The following PIK3CA variants were observed in gnomAD, a reference collection of about 807,000 sequenced individuals.
PIK3CA encodes the protein phosphatidylinositol 4,5-bisphosphate 3-kinase catalytic subunit alpha isoform.
Under a neutral mutation model 138.2 loss-of-function variants are expected in PIK3CA, and 27 were observed. The observed-to-expected ratio is 0.20, with a 90% CI of 0.14 to 0.27. The LOEUF is 0.27. Ranked by LOEUF, PIK3CA falls within the 10% of genes least tolerant of loss-of-function variation. PIK3CA has a pLI of 1.00. For missense variants in PIK3CA, 544 were observed against 1,277.4 expected, an observed-to-expected ratio of 0.43 and a Z score of 8.75; for synonymous variants, 358 against 413.2, an observed-to-expected ratio of 0.87 and a Z score of 1.62.
chr3:179,159,457 C>A (rs945902085), intron 1 of PIK3CA, among the ~76,000 whole-genome samples: 14 of 152,164 alleles, frequency 9.2e-5, no homozygotes, highest in Non-Finnish European at 1.8e-4. Context: ...CCCATAAACC[C>A]AAACTTTAAT....
chr3:179,191,341 G>A (rs1282851417), intron 1 of PIK3CA, among the ~76,000 whole-genome samples: 1 of 152,204 alleles, frequency 6.6e-6, no homozygotes, highest in East Asian at 1.9e-4. Flanking sequence ...ATCCAAAAAT[G>A]AGAGTGGAAA....
At chr3:179,196,940 A>G (rs755243619) in intron 1 of PIK3CA, among the ~76,000 whole-genome samples, 5 of 152,122 alleles carry the variant, frequency 3.3e-5, no homozygotes, top group Admixed American at 1.3e-4. Flanking sequence ...AAGCTTGTTG[A>G]TGGGTTAGAT....
At chr3:179,191,619 T>C (rs1724138054) in intron 1 of PIK3CA, among the ~76,000 whole-genome samples, 1 of 151,836 alleles carries the variant, frequency 6.6e-6, no homozygotes, top group Admixed American at 6.6e-5. Flanking sequence ...AAAACATAAG[T>C]ATTTGGTGTT....
At position 179,234,967 on chromosome 3, in the gene PIK3CA, TAA is replaced by T. The variant is rs920604906; in HGVS notation, c.*605_*606del. ...TTCACCAGAGACTTTTTCTTTTTAA[TAA>T]ATCAAACCTTTTGATGATTTGAGGT... is the stretch of plus-strand genomic sequence containing the variant. On this transcript the variant is annotated 3_prime_UTR_variant, in exon 21 of 21. Coordinates refer to ENST00000263967, the MANE Select transcript of PIK3CA (RefSeq NM_006218.4). This position sits in a 1 kb window ranked among gnomAD's most constrained non-coding sequence, Gnocchi z 5.1. The T allele has an allele frequency of 4.5e-6, 1 of 221,010 alleles. No homozygotes were observed. The highest frequency in any genetic ancestry group is 2.2e-5 in the African/African-American group (1 of 44,484). The allele number at this position is 221,010 out of a possible 1,614,324, so 13.7% of individuals were successfully genotyped here.
At chr3:179,151,308 G>T (rs1447110240) in intron 1 of PIK3CA, among the ~76,000 whole-genome samples, 1 of 152,098 alleles carries the variant, frequency 6.6e-6, no homozygotes, top group Non-Finnish European at 1.5e-5. Flanking sequence ...AACATTTTCC[G>T]ACTCCTTTCA....
In PIK3CA at chr3:179,219,854, T is replaced by C. The variant is rs1466478893; in HGVS notation, c.1912-95T>C. The stretch of plus-strand genomic sequence containing the variant: ...CTAGTTTTATGCTTAAAAAAAAAAA[T>C]TATTACCAGTAATATCCACTTTCTT... On this transcript the variant is annotated intron_variant, in intron 12 of 20. Transcript: ENST00000263967. This position sits in a 1 kb window ranked among gnomAD's most constrained non-coding sequence, Gnocchi z 4.2. 8.7e-6 allele frequency: 13 copies of C among 1,499,186 alleles called. No homozygotes were observed. Among genetic ancestry groups the C allele is most frequent in the Non-Finnish European group, 1.1e-5 (12 of 1,104,448 alleles). The allele number at this position is 1,499,186 out of a possible 1,614,324, so 92.9% of individuals were successfully genotyped here.
At chr3:179,214,476 AC>A (rs1248175899) in intron 9 of PIK3CA, among the ~76,000 whole-genome samples, 1 of 152,180 alleles carries the variant, frequency 6.6e-6, no homozygotes, top group Non-Finnish European at 1.5e-5. Flanking sequence ...GAATAAGTTC[AC>A]CATCTTAATT....
intron 1 of PIK3CA, among the ~76,000 whole-genome samples, chr3:179,148,973 C>G (rs942473884): frequency 3.9e-5 from 6 of 152,128 alleles, no homozygotes; most frequent in African/African-American, 1.4e-4. Flanking sequence ...ACCCAGCCCG[C>G]GGGTGGAGGG....
Position 179,210,332 on chromosome 3 carries a change from A to G in PIK3CA, c.1398A>G (p.Pro466=). Residue 466 remains proline (P), a synonymous_variant, in exon 8 of 21, where the codon CCA becomes CCG. Coordinates refer to ENST00000263967, the MANE Select transcript of PIK3CA (RefSeq NM_006218.4). ...CTATTGGTGTTACTGGATCAAATCC[A>G]AATAAAGTAAGGTTTTTATTGTCAT... ...LNPIGVTGSN[P]NKETPCLELE... is the part of the protein sequence containing the mutation. 3 of 1,586,256 alleles carry G rather than the reference A, an allele frequency of 1.9e-6. No homozygotes were observed. The highest frequency in any genetic ancestry group is 2.6e-6 in the Non-Finnish European group (3 of 1,172,732).
At chr3:179,216,362 C>A (rs1576941561) in intron 9 of PIK3CA, among the ~76,000 whole-genome samples, 2 of 152,008 alleles carry the variant, frequency 1.3e-5, no homozygotes, top group East Asian at 1.9e-4. Flanking sequence ...TTACAGTATT[C>A]TTTTCATCTT....
intron 1 of PIK3CA, among the ~76,000 whole-genome samples, chr3:179,150,840 A>T (rs1382736557): frequency 6.6e-6 from 1 of 152,242 alleles, no homozygotes; most frequent in Non-Finnish European, 1.5e-5. Context: ...GCCGCTTCTT[A>T]TAAGTACCCT....
At chr3:179,185,150 C>G (rs181926492) in intron 1 of PIK3CA, among the ~76,000 whole-genome samples, 73 of 152,282 alleles carry the variant, frequency 4.8e-4, no homozygotes, top group Non-Finnish European at 1.0e-3. Flanking sequence ...ACAGAAAGGC[C>G]TATTAAGTCA....
chr3:179,192,481 A>C (rs1724159021), intron 1 of PIK3CA, among the ~76,000 whole-genome samples: 1 of 152,236 alleles, frequency 6.6e-6, no homozygotes, highest in Non-Finnish European at 1.5e-5. Flanking sequence ...GGCTTAAAGA[A>C]CTTAGGTTGA....
At chr3:179,150,920 T>A (rs1723000138) in intron 1 of PIK3CA, among the ~76,000 whole-genome samples, 1 of 152,234 alleles carries the variant, frequency 6.6e-6, no homozygotes. Flanking sequence ...GATCTGTTTA[T>A]TTGAAGAGAG....
intron 17 of PIK3CA, 108 bp from the exon 18 acceptor site, chr3:179,229,164 G>A: frequency 1.3e-6 from 1 of 785,062 alleles, no homozygotes; most frequent in South Asian, 1.9e-5. Context: ...GGCAGTAAAG[G>A]TCATGCATGA....
chr3:179,149,601 G>A (rs899631997), intron 1 of PIK3CA: 1 of 152,216 alleles, frequency 6.6e-6, no homozygotes, highest in Admixed American at 6.5e-5. Context: ...ATTTCATCTT[G>A]GTGAAGCTTC....
In PIK3CA at chr3:179,203,559, A is replaced by G. The variant is rs1341976696; in HGVS notation, c.829A>G (p.Ile277Val). 2.5e-6 allele frequency: 4 copies of G among 1,613,742 alleles called. No individual in the cohort carries two copies. Among genetic ancestry groups the G allele is most frequent in the South Asian group, 1.1e-5 (1 of 91,070 alleles). ...TCTCTTACAGTATATAAGAAGCTGTATAATGCTTGGGAGGATGCCCAATTT... is the reference window on the plus strand; with the variant it reads ...TCTCTTACAGTATATAAGAAGCTGTGTAATGCTTGGGAGGATGCCCAATTT... Reference protein sequence around the residue: ...LSQYKYIRSCIMLGRMPNLML... With the variant: ...LSQYKYIRSCVMLGRMPNLML... The change falls in exon 5 of 21, where the codon ATA (isoleucine) becomes GTA (valine). Residue 277 changes from isoleucine (I) to valine (V), a missense_variant. Coordinates refer to ENST00000263967, the MANE Select transcript of PIK3CA (RefSeq NM_006218.4).
intron 1 of PIK3CA, among the ~76,000 whole-genome samples, chr3:179,157,556 A>G (rs1043015377): frequency 6.6e-6 from 1 of 152,248 alleles, no homozygotes; most frequent in South Asian, 2.1e-4. Context: ...GCACAGTTAA[A>G]TGTATCATGC....
intron 2 of PIK3CA, 64 bp from the exon 3 acceptor site, chr3:179,199,626 A>G: frequency 8.1e-7 from 1 of 1,238,336 alleles, no homozygotes; most frequent in Admixed American, 2.0e-5. Flanking sequence ...CCTGTTTGCA[A>G]AAAAAACATG....
Sources: gnomAD v4.1 joint callset for allele counts (sites outside exome capture counted in the v4.1 genomes callset) on GRCh38, gnomAD v4.1.1 for gene constraint, Gnocchi (gnomAD v3.1) non-coding constraint, MANE v1.5 for transcripts, NCBI Gene and HGNC (gene_info 2026-07-23, HGNC 2026-07-21) for gene names.